BRD1: variants seen among roughly 807,000 people sequenced by gnomAD.
BRD1 encodes the protein bromodomain-containing protein 1.
A neutral mutation model predicts 107.7 loss-of-function variants in BRD1; 24 were observed. The observed-to-expected ratio is 0.22, with a 90% CI of 0.16 to 0.31. The LOEUF is 0.31. Ranked by LOEUF, BRD1 falls within the 10% of genes least tolerant of loss-of-function variation. BRD1 has a pLI of 1.00. For missense variants in BRD1, 1,279 were observed against 1,638.6 expected, an observed-to-expected ratio of 0.78 and a Z score of 3.79; for synonymous variants, 744 against 686.1, an observed-to-expected ratio of 1.08 and a Z score of -1.32.
rs1383926498 is a variant in BRD1, at chr22:49,773,291, T to C, written c.*942A>G. The C allele has an allele frequency of 2.0e-5, 3 of 152,192 alleles. No individual in the cohort carries two copies. Among genetic ancestry groups the C allele is most frequent in the African/African-American group, 7.2e-5 (3 of 41,442 alleles). 9.4% of individuals were successfully genotyped at this position (152,192 alleles called of 1,614,324 possible). On this transcript the variant is annotated 3_prime_UTR_variant, in exon 13 of 13. Coordinates refer to ENST00000404760, the MANE Select transcript of BRD1 (RefSeq NM_001304808.3). ...ATAAAATGGCCACACCGTCCAAATCTTGACTTTATTTTTAATATAAAAAAT... is the reference window on the plus strand; with the variant it reads ...ATAAAATGGCCACACCGTCCAAATCCTGACTTTATTTTTAATATAAAAAAT...
intron 3 of BRD1, among the ~76,000 whole-genome samples, chr22:49,801,902 G>A (rs997854908): frequency 2.6e-5 from 4 of 152,200 alleles, no homozygotes; most frequent in Non-Finnish European, 4.4e-5. Context: ...CACGTGTCCT[G>A]CTACTGCAGG....
chr22:49,824,198 T>G lies in BRD1; in HGVS notation c.120A>C (p.Val40=). ...GCAAGCGCCCTTCAATTTCTATCTCTACCATCCTTTGAGCTTGAGCGTAGG... is the reference window on the plus strand; with the variant it reads ...GCAAGCGCCCTTCAATTTCTATCTCGACCATCCTTTGAGCTTGAGCGTAGG... ...TLTYAQAQRM[V]EIEIEGRLHR... is the part of the protein sequence containing the mutation. Residue 40 remains valine (V), a synonymous_variant, in exon 2 of 13, where the codon GTA becomes GTC. Transcript: ENST00000404760. The surrounding 1 kb of genome is among the most constrained non-coding windows in gnomAD (Gnocchi z 5.9). 6.2e-7 allele frequency: 1 copy of G among 1,613,966 alleles called. No individual in the cohort carries two copies. Among genetic ancestry groups the G allele is most frequent in the Non-Finnish European group, 8.5e-7 (1 of 1,180,016 alleles).
chr22:49,819,192 G>A lies in BRD1; in HGVS notation c.1367+3759C>T, dbSNP rs148754194. Among the ~76,000 whole-genome samples the A allele has an allele frequency of 7.2e-3, 1,098 of 152,078 alleles. 17 individuals carry two copies. Among genetic ancestry groups the A allele is most frequent in the East Asian group, 0.033 (171 of 5,154 alleles). On this transcript the variant is annotated intron_variant, in intron 2 of 12. Transcript: ENST00000404760. The stretch of plus-strand genomic sequence containing the variant: ...CGAGGATCGCTTGAACCTGGGAGGT[G>A]GAGGCTGCAGTGAGCCGAGATTATG...
intron 3 of BRD1, among the ~76,000 whole-genome samples, chr22:49,801,672 C>G (rs975460177): frequency 2.6e-5 from 4 of 152,236 alleles, no homozygotes; most frequent in East Asian, 1.9e-4. Flanking sequence ...GCCAGAAGAG[C>G]TGCTCTGGCC....
Position 49,792,715 on chromosome 22 carries a change from A to G in BRD1, c.2359+1319T>C, listed in dbSNP as rs2059457965. On this transcript the variant is annotated intron_variant, in intron 7 of 12. Coordinates refer to ENST00000404760, the MANE Select transcript of BRD1 (RefSeq NM_001304808.3). The surrounding 1 kb of genome is among the most constrained non-coding windows in gnomAD (Gnocchi z 4.2). ...CAGAAGAATCCCAGAACAGAACAAC[A>G]AACAGGCACAAAATGAGCAAAAGGA... 6.6e-6 allele frequency among the ~76,000 whole-genome samples: 1 copy of G among 152,236 alleles called. No individual in the cohort carries two copies. The highest frequency in any genetic ancestry group is 2.4e-5 in the African/African-American group (1 of 41,446).
chr22:49,789,490 T>TCCCCCCCCCCCCCC (rs377366419), intron 7 of BRD1, among the ~76,000 whole-genome samples: 4 of 139,682 alleles, frequency 2.9e-5, no homozygotes, highest in Non-Finnish European at 4.7e-5. Context: ...CCTCCTAGCC[T>TCCCCCCCCCCCCCC]CCCCCCCCCG....
At chr22:49,819,899 G>A (rs1421460699) in intron 2 of BRD1, among the ~76,000 whole-genome samples, 4 of 152,016 alleles carry the variant, frequency 2.6e-5, no homozygotes, top group Non-Finnish European at 5.9e-5. Flanking sequence ...GGAGTTCGAG[G>A]CGGGTGGATC....
intron 2 of BRD1, among the ~76,000 whole-genome samples, chr22:49,819,811 C>G (rs1384801754): frequency 2.0e-5 from 3 of 151,530 alleles, no homozygotes; most frequent in African/African-American, 7.3e-5. Flanking sequence ...ATCAAACTTA[C>G]AAAAAAACAG....
At chr22:49,786,972 T>C (rs1601630706) in intron 8 of BRD1, among the ~76,000 whole-genome samples, 1 of 151,896 alleles carries the variant, frequency 6.6e-6, no homozygotes, top group Non-Finnish European at 1.5e-5. Flanking sequence ...TGTGCACCTG[T>C]AGTCCCAGCT....
At position 49,777,165 on chromosome 22, in the gene BRD1, C is replaced by T. The variant is rs754342911; in HGVS notation, c.2994-4G>A. ...CCCACATTTGGGCGCATTAAAGCTT[C>T]GGGAGGAAGAGCAGAGGGAGTCAGG... On this transcript the variant is annotated splice_polypyrimidine_tract_variant and splice_region_variant and intron_variant, in intron 9 of 12. Coordinates refer to ENST00000404760, the MANE Select transcript of BRD1 (RefSeq NM_001304808.3). 21 of 1,612,478 alleles carry T rather than the reference C, an allele frequency of 1.3e-5. No individual in the cohort carries two copies. The highest frequency in any genetic ancestry group is 8.0e-5 in the African/African-American group (6 of 74,954).
intron 2 of BRD1, among the ~76,000 whole-genome samples, chr22:49,813,829 A>C (rs1601719400): frequency 1.5e-5 from 2 of 133,392 alleles, no homozygotes; most frequent in Admixed American, 1.4e-4. Context: ...ACTCCATTTA[A>C]AAAAAAAAAA....
chr22:49,800,096 A>G (rs1324151045), intron 3 of BRD1, among the ~76,000 whole-genome samples: 6 of 152,108 alleles, frequency 3.9e-5, no homozygotes, highest in East Asian at 1.9e-4. Context: ...CTCTCCCCCA[A>G]CGCCTCTGTC....
Position 49,777,161 on chromosome 22 carries a change from G to A in BRD1, c.2994C>T (p.Ser998=), listed in dbSNP as rs941540635. The change falls in exon 10 of 13, where the codon AGC becomes AGT. Residue 998 remains serine (S), a splice_region_variant and synonymous_variant. Transcript: ENST00000404760. ...CCCGCCCACATTTGGGCGCATTAAAGCTTCGGGAGGAAGAGCAGAGGGAGT... is the reference window on the plus strand; with the variant it reads ...CCCGCCCACATTTGGGCGCATTAAAACTTCGGGAGGAAGAGCAGAGGGAGT... The part of the protein sequence containing the change: ...SSSNSPLCDS[S]FNAPKCGRGK... 10 of 1,612,606 alleles carry A rather than the reference G, an allele frequency of 6.2e-6. No individual in the cohort carries two copies. Among genetic ancestry groups the A allele is most frequent in the Middle Eastern group, 1.6e-4 (1 of 6,072 alleles).
At chr22:49,777,540 A>G in intron 9 of BRD1, 138 bp downstream of exon 9, 1 of 1,180,260 alleles carries the variant, frequency 8.5e-7, no homozygotes, top group South Asian at 1.5e-5. Flanking sequence ...ACAAGGGCAG[A>G]GCACACATGA....
Position 49,827,487 on chromosome 22 carries a change from G to A in BRD1, c.-15+10C>T. ...GGGAGGCCTCCCCGGCCAGGCCCCCGCCCACTCACCTTCGGGGCGCCGCGG... is the reference window on the plus strand; with the variant it reads ...GGGAGGCCTCCCCGGCCAGGCCCCCACCCACTCACCTTCGGGGCGCCGCGG... On this transcript the variant is annotated intron_variant, in intron 1 of 12. Coordinates refer to ENST00000404760, the MANE Select transcript of BRD1 (RefSeq NM_001304808.3). The A allele has an allele frequency of 6.9e-6, 1 of 144,786 alleles. No individual in the cohort carries two copies. Among genetic ancestry groups the A allele is most frequent in the Non-Finnish European group, 1.5e-5 (1 of 65,266 alleles). The allele number at this position is 144,786 out of a possible 1,614,324, so 9.0% of individuals were successfully genotyped here. A position where few individuals can be genotyped will look rare whatever the true frequency, so the allele number is the denominator to read the frequency against.
At chr22:49,786,288 C>T (rs1391772165) in intron 8 of BRD1, among the ~76,000 whole-genome samples, 2 of 152,210 alleles carry the variant, frequency 1.3e-5, no homozygotes, top group African/African-American at 4.8e-5. Context: ...AGAAGCGCAG[C>T]CAGTACCGAA....
At chr22:49,794,425 C>G (rs1308831090) in intron 6 of BRD1, 131 bp from the exon 7 acceptor site, 1 of 1,227,532 alleles carries the variant, frequency 8.1e-7, no homozygotes, top group African/African-American at 1.5e-5. Flanking sequence ...GGCCCAGGCC[C>G]TGCTCACCAG....
Position 49,774,175 on chromosome 22 carries a change from T to A in BRD1, c.*58A>T. 1 of 1,520,038 alleles carries A rather than the reference T, an allele frequency of 6.6e-7. No individual in the cohort carries two copies. The highest frequency in any genetic ancestry group is 8.9e-7 in the Non-Finnish European group (1 of 1,129,926). The allele number at this position is 1,520,038 out of a possible 1,614,324, so 94.2% of individuals were successfully genotyped here. ...AGAATAAGTTAAGTTTTGAACAATATACAAACATGTACAGCTTATCAACAC... is the reference window on the plus strand; with the variant it reads ...AGAATAAGTTAAGTTTTGAACAATAAACAAACATGTACAGCTTATCAACAC... On this transcript the variant is annotated 3_prime_UTR_variant, in exon 13 of 13. Coordinates refer to ENST00000404760, the MANE Select transcript of BRD1 (RefSeq NM_001304808.3).
At chr22:49,805,205 G>T (rs1351300321) in intron 2 of BRD1, among the ~76,000 whole-genome samples, 2 of 152,200 alleles carry the variant, frequency 1.3e-5, no homozygotes, top group East Asian at 3.9e-4. Context: ...TGCTGCCCTT[G>T]GGGGCACATG....
Sources: gnomAD v4.1 joint callset for allele counts (sites outside exome capture counted in the v4.1 genomes callset) on GRCh38, gnomAD v4.1.1 for gene constraint, Gnocchi (gnomAD v3.1) non-coding constraint, MANE v1.5 for transcripts, NCBI Gene and HGNC (gene_info 2026-07-23, HGNC 2026-07-21) for gene names.